Variants in MAN2B2 observed in about 807,000 individuals in gnomAD.
MAN2B2 encodes mannosidase alpha class 2B member 2.
Under a neutral mutation model 117.1 loss-of-function variants are expected in MAN2B2, and 106 were observed. The observed-to-expected ratio is 0.90, with a 90% CI of 0.77 to 1.06. MAN2B2 has a LOEUF of 1.06. MAN2B2 is among the 50% of genes least tolerant of loss of function. The pLI, the probability that MAN2B2 is intolerant of heterozygous loss-of-function variation, is 0.00. For synonymous variants in MAN2B2, 544 were observed against 595.1 expected (o/e 0.91, Z 1.25); for missense variants, 1,326 against 1,381.4 (o/e 0.96, Z 0.64).
At chr4:6,590,865 G>A (rs1012224030) in intron 5 of MAN2B2, among the ~76,000 whole-genome samples, 4 of 152,110 alleles carry the variant, frequency 2.6e-5, no homozygotes, top group Non-Finnish European at 4.4e-5. Context: ...AAGGCCGGAG[G>A]AGGCCAGGCG....
intron 3 of MAN2B2, among the ~76,000 whole-genome samples, chr4:6,586,099 A>C (rs1406392236): frequency 2.6e-5 from 4 of 151,498 alleles, no homozygotes; most frequent in Non-Finnish European, 4.4e-5. Context: ...CCCAGGCTGA[A>C]GTGCAGTGGC....
Position 6,593,327 on chromosome 4 carries a change from A to G in MAN2B2, c.835A>G (p.Thr279Ala). The change falls in exon 6 of 19, where the codon ACA becomes GCA. Residue 279 changes from threonine to alanine, a missense_variant. Thr to Ala is a moderately conservative substitution (Grantham distance 58). Transcript: ENST00000285599. ...GAAGCAGAGGGCCGCCTGGTTCCGG[A>G]CACCGCACGTCCTCTGGCCCTGGGT... ...NVKQRAAWFRTPHVLWPWGCD... is the reference protein window; with the variant it reads ...NVKQRAAWFRAPHVLWPWGCD... The G allele has an allele frequency of 6.2e-7, 1 of 1,613,408 alleles. No homozygotes were observed. Among genetic ancestry groups the G allele is most frequent in the Non-Finnish European group, 8.5e-7 (1 of 1,179,776 alleles).
chr4:6,613,746 CGGGAGGGAAAAGAAAAGAAGAGA>C (rs1711704009), intron 15 of MAN2B2, among the ~76,000 whole-genome samples: 1 of 69,792 alleles, frequency 1.4e-5, no homozygotes, highest in Non-Finnish European at 2.7e-5. Flanking sequence ...AGGGAGGGGA[CGGGAGGGAAAAGAAAAGAAGAGA>C]GGGAGGGAAG....
chr4:6,576,983 A>G (rs1300057972), intron 2 of MAN2B2, among the ~76,000 whole-genome samples: 1 of 152,082 alleles, frequency 6.6e-6, no homozygotes, highest in Admixed American at 6.5e-5. Flanking sequence ...CCAGCTGTGC[A>G]CTTCCGTGCC....
intron 9 of MAN2B2, 79 bp downstream of exon 9, chr4:6,598,433 C>A (rs1727195642): frequency 2.7e-6 from 4 of 1,458,924 alleles, no homozygotes; most frequent in Non-Finnish European, 2.8e-6. Flanking sequence ...GGCTCAACGA[C>A]CCCAGCTTCA....
Position 6,619,502 on chromosome 4 carries a change from C to T in MAN2B2, c.2815-425C>T, listed in dbSNP as rs150337877. The T allele has an allele frequency of 2.0e-3, 333 of 168,186 alleles. 2 individuals are homozygous for T. Among genetic ancestry groups the T allele is most frequent in the African/African-American group, 7.2e-3 (302 of 42,024 alleles). 10.4% of individuals were successfully genotyped at this position (168,186 alleles called of 1,614,324 possible). A position where few individuals can be genotyped will look rare whatever the true frequency, so the allele number is the denominator to read the frequency against. Reference sequence around the variant, plus strand: ...GACTTTTCCAGACCCCTAAGGGCCTCCTGCCTCCCCTAGGTGTAAGGGAGG... The same window carrying T: ...GACTTTTCCAGACCCCTAAGGGCCTTCTGCCTCCCCTAGGTGTAAGGGAGG... On this transcript the variant is annotated intron_variant, in intron 17 of 18. Coordinates refer to ENST00000285599, the MANE Select transcript of MAN2B2 (RefSeq NM_015274.3).
intron 15 of MAN2B2, among the ~76,000 whole-genome samples, chr4:6,613,576 A>G (rs531245675): frequency 1.4e-5 from 2 of 140,346 alleles, no homozygotes; most frequent in African/African-American, 5.2e-5. Flanking sequence ...CCCTATCTAC[A>G]AGGAAGGAAG....
chr4:6,611,178 C>T lies in MAN2B2; in HGVS notation c.2463C>T (p.Leu821=). 6.2e-7 allele frequency: 1 copy of T among 1,613,988 alleles called. No homozygotes were observed. The highest frequency in any genetic ancestry group is 8.5e-7 in the Non-Finnish European group (1 of 1,180,030). The change falls in exon 15 of 19, where the codon CTC becomes CTT. Residue 821 remains leucine, a synonymous_variant. Coordinates refer to ENST00000285599, the MANE Select transcript of MAN2B2 (RefSeq NM_015274.3). ...LNDTSVVHPV[L]WLLLGSWSLT... ...ACACCTCAGTCGTCCACCCAGTGCTCTGGCTTCTGCTGGGATCCTGGTCCC... is the reference window on the plus strand; with the variant it reads ...ACACCTCAGTCGTCCACCCAGTGCTTTGGCTTCTGCTGGGATCCTGGTCCC...
intron 5 of MAN2B2, 107 bp downstream of exon 5, chr4:6,589,267 C>T: frequency 1.2e-6 from 1 of 850,668 alleles, no homozygotes; most frequent in South Asian, 1.6e-5. Flanking sequence ...AAGACAAGAG[C>T]TTCTGCTCTG....
At chr4:6,599,320 G>T (rs1272320299) in intron 9 of MAN2B2, among the ~76,000 whole-genome samples, 1 of 151,920 alleles carries the variant, frequency 6.6e-6, no homozygotes, top group Non-Finnish European at 1.5e-5. Flanking sequence ...TGCCAGGATG[G>T]TCTCCTAACT....
chr4:6,617,597 A>C, intron 17 of MAN2B2, 105 bp downstream of exon 17: 1 of 1,549,414 alleles, frequency 6.5e-7, no homozygotes, highest in African/African-American at 1.4e-5. Context: ...CTTCCTCCCA[A>C]ATGGACGCTG....
In MAN2B2 at chr4:6,617,449, G is replaced by T. The variant is rs749559638; in HGVS notation, c.2771G>T (p.Gly924Val). The change falls in exon 17 of 19, where the codon GGC becomes GTC. Residue 924 changes from glycine to valine, a missense_variant. Transcript: ENST00000285599. ...CGGCTCTACCACCTATATGAAGTGG[G>T]CGAGGACCCAGTCCTGTCTCAGCCA... ...LLRLYHLYEV[G>V]EDPVLSQPVT... 2.5e-5 allele frequency: 41 copies of T among 1,614,034 alleles called. No homozygotes were observed. The South Asian group carries it at 4.5e-4, about 18-fold the overall frequency.
intron 10 of MAN2B2, among the ~76,000 whole-genome samples, chr4:6,602,790 T>C (rs28385287): frequency 0.51 from 77,945 of 151,648 alleles, 20,148 homozygotes; most frequent in East Asian, 0.64. Context: ...CCCACCTCAG[T>C]CTCCTGAGTA....
At position 6,600,686 on chromosome 4, in the gene MAN2B2, T is replaced by C. The variant is rs766329727; in HGVS notation, c.1469T>C (p.Ile490Thr). Reference sequence around the variant, plus strand: ...CCGCTGGCCTGGACGGTCACCACCATCGTCACCCTGACTGTTGGTTTCCCT... The same window carrying C: ...CCGCTGGCCTGGACGGTCACCACCACCGTCACCCTGACTGTTGGTTTCCCT... The part of the protein sequence containing the change: ...YNPLAWTVTT[I>T]VTLTVGFPGV... Residue 490 changes from isoleucine to threonine, a missense_variant, in exon 10 of 19, where the codon ATC (isoleucine) becomes ACC (threonine). By Grantham distance (89) the Ile-to-Thr change is moderately conservative. Transcript: ENST00000285599. 3.1e-6 allele frequency: 5 copies of C among 1,613,976 alleles called. No homozygotes were observed. Among genetic ancestry groups the C allele is most frequent in the Non-Finnish European group, 4.2e-6 (5 of 1,179,996 alleles).
chr4:6,609,940 C>G lies in MAN2B2; in HGVS notation c.2149C>G (p.Leu717Val). Residue 717 changes from leucine (L) to valine (V), a missense_variant, in exon 13 of 19, where the codon CTG (leucine) becomes GTG (valine). By Grantham distance (32) the Leu-to-Val change is conservative (BLOSUM62 1). Coordinates refer to ENST00000285599, the MANE Select transcript of MAN2B2 (RefSeq NM_015274.3). Reference protein sequence around the residue: ...GPLELNREAVLRTSTNLNSQQ... With the variant: ...GPLELNREAVVRTSTNLNSQQ... ...CCTGGAGCTGAACCGTGAGGCTGTCCTGAGGACCAGCACCAACCTAAACAG... is the reference window on the plus strand; with the variant it reads ...CCTGGAGCTGAACCGTGAGGCTGTCGTGAGGACCAGCACCAACCTAAACAG... The G allele has an allele frequency of 6.2e-7, 1 of 1,614,196 alleles. No individual in the cohort carries two copies.
At chr4:6,579,377 C>T (rs1461454549) in intron 3 of MAN2B2, among the ~76,000 whole-genome samples, 3 of 93,046 alleles carry the variant, frequency 3.2e-5, no homozygotes, top group African/African-American at 1.1e-4. Context: ...TCACCACCAC[C>T]ACCACTACCC....
chr4:6,589,798 G>A (rs1726785941), intron 5 of MAN2B2, among the ~76,000 whole-genome samples: 1 of 152,204 alleles, frequency 6.6e-6, no homozygotes, highest in African/African-American at 2.4e-5. Context: ...ATGAGATCTT[G>A]GCTGGGTGCG....
intron 6 of MAN2B2, among the ~76,000 whole-genome samples, chr4:6,593,588 C>A (rs1216207931): frequency 1.3e-5 from 2 of 152,254 alleles, no homozygotes; most frequent in Non-Finnish European, 2.9e-5. Flanking sequence ...CAGCTCTCTT[C>A]CCTGCCTGGG....
In MAN2B2 at chr4:6,575,209, G is replaced by A. The variant is rs201339762; in HGVS notation, c.-2G>A. 1.3e-4 allele frequency: 192 copies of A among 1,458,570 alleles called. 1 individual carries two copies. The African/African-American group carries it at 2.5e-3, about 19-fold the overall frequency. The allele number at this position is 1,458,570 out of a possible 1,614,324, so 90.4% of individuals were successfully genotyped here. The stretch of plus-strand genomic sequence containing the variant: ...CTGGCACCTTCCCGGCCTGCCGCAG[G>A]GATGGGGCAGCTGTGCTGGCTGCCG... On this transcript the variant is annotated 5_prime_UTR_variant, in exon 1 of 19. Transcript: ENST00000285599.
Sources: allele counts gnomAD v4.1 joint callset (sites outside exome capture counted in the v4.1 genomes callset), GRCh38; gene constraint gnomAD v4.1.1; transcripts MANE v1.5; gene names NCBI Gene and HGNC (gene_info 2026-07-23, HGNC 2026-07-21).